Variants in ABCA2 observed in about 807,000 individuals in gnomAD.
ABCA2 encodes the protein ATP-binding cassette sub-family A member 2.
In ABCA2, 84 loss-of-function variants were observed where a neutral mutation model predicts 262.8. The ratio of observed to expected loss-of-function variants is 0.32; its 90% CI spans 0.27 to 0.38. The LOEUF (loss-of-function observed/expected upper bound fraction) is 0.38, where lower values mean the gene tolerates loss of function less well. ABCA2 is among the 10% of genes least tolerant of loss of function. The pLI is 1.00. For missense variants in ABCA2, 2,662 were observed against 3,405.9 expected (o/e 0.78, Z 5.44); for synonymous variants, 1,696 against 1,502.9 (o/e 1.13, Z -2.97).
chr9:137,021,292 A>C lies in ABCA2; in HGVS notation c.897+100T>G. The C allele has an allele frequency of 1.4e-6, 2 of 1,444,762 alleles. No homozygotes were observed. The highest frequency in any genetic ancestry group is 4.7e-5 in the East Asian group (2 of 42,506). The allele number at this position is 1,444,762 out of a possible 1,614,324, so 89.5% of individuals were successfully genotyped here. A position where few individuals can be genotyped will look rare whatever the true frequency, so the allele number is the denominator to read the frequency against. ...CACCCACAGGCAGCATCCCACGCAC[A>C]GCCTGGGCCCAGGAGCCCTGAGCTC... On this transcript the variant is annotated intron_variant, in intron 8 of 48. Coordinates refer to ENST00000341511, the MANE Select transcript of ABCA2 (RefSeq NM_001606.5). This position sits in a 1 kb window ranked among gnomAD's most constrained non-coding sequence, Gnocchi z 6.0.
Position 137,022,392 on chromosome 9 carries a change from T to C in ABCA2, c.526A>G (p.Thr176Ala). ...LTQNLSLPNSTAQALLAARVD... is the reference protein window; with the variant it reads ...LTQNLSLPNSAAQALLAARVD... ...CGGGCGGCCAAGAGTGCTTGGGCCGTGCTATTGGGCAGCGACAAGTTTTGC... is the reference window on the plus strand; with the variant it reads ...CGGGCGGCCAAGAGTGCTTGGGCCGCGCTATTGGGCAGCGACAAGTTTTGC... The change falls in exon 6 of 49, where the codon ACG (threonine) becomes GCG (alanine). Residue 176 changes from threonine (T) to alanine (A), a missense_variant. Physicochemically the swap from Thr to Ala is moderately conservative, Grantham distance 58. Transcript: ENST00000341511. 6.2e-7 allele frequency: 1 copy of C among 1,611,182 alleles called. No homozygotes were observed. Among genetic ancestry groups the C allele is most frequent in the South Asian group, 1.1e-5 (1 of 90,680 alleles).
rs554207458 is a variant in ABCA2, at chr9:137,012,178, C to T, written c.5300-16G>A. 9.3e-6 allele frequency: 15 copies of T among 1,610,614 alleles called. No individual in the cohort carries two copies. The highest frequency in any genetic ancestry group is 8.3e-5 in the Admixed American group (5 of 59,980). ...ACGGTGATGCCTGCACACGGCGGGGCGGGGGCGGCAGCTTCAGGCCCCAGC... is the reference window on the plus strand; with the variant it reads ...ACGGTGATGCCTGCACACGGCGGGGTGGGGGCGGCAGCTTCAGGCCCCAGC... On this transcript the variant is annotated splice_polypyrimidine_tract_variant and intron_variant, in intron 33 of 48. Coordinates refer to ENST00000341511, the MANE Select transcript of ABCA2 (RefSeq NM_001606.5).
Position 137,022,683 on chromosome 9 carries a change from T to C in ABCA2, c.439+19A>G. The C allele has an allele frequency of 6.3e-7, 1 of 1,599,998 alleles. No homozygotes were observed. The highest frequency in any genetic ancestry group is 8.5e-7 in the Non-Finnish European group (1 of 1,175,142). On this transcript the variant is annotated intron_variant, in intron 5 of 48. Transcript: ENST00000341511. ...TTTGCCCGCAGCCCTGCCCCCCAAC[T>C]TCCCTGCACAGGGCACACCTGTGGA...
chr9:137,013,781 C>A (rs557924788), intron 28 of ABCA2, 51 bp downstream of exon 28: 2 of 1,547,850 alleles, frequency 1.3e-6, no homozygotes, highest in Middle Eastern at 1.8e-4. Context: ...GGGCTCCCAG[C>A]GGGCGGTGGG....
chr9:137,016,959 A>C lies in ABCA2; in HGVS notation c.2719T>G (p.Tyr907Asp). 6.2e-7 allele frequency: 1 copy of C among 1,612,774 alleles called. No homozygotes were observed. The highest frequency in any genetic ancestry group is 8.5e-7 in the Non-Finnish European group (1 of 1,179,990). ...TCAATGTACCACGTGAGGATGCCATAGACCACGGCGTCCACCATCAGCATG... is the reference window on the plus strand; with the variant it reads ...TCAATGTACCACGTGAGGATGCCATCGACCACGGCGTCCACCATCAGCATG... ...VTMLMVDAVVYGILTWYIEAV... is the reference protein window; with the variant it reads ...VTMLMVDAVVDGILTWYIEAV... Residue 907 changes from tyrosine (Y) to aspartate (D), a missense_variant, in exon 19 of 49, where the codon TAT becomes GAT. Physicochemically the swap from Tyr to Asp is radical, Grantham distance 160 (BLOSUM62 -3). Coordinates refer to ENST00000341511, the MANE Select transcript of ABCA2 (RefSeq NM_001606.5).
At position 137,013,183 on chromosome 9, in the gene ABCA2, C is replaced by G; in HGVS notation, c.4686G>C (p.Gly1562=). Residue 1562 remains glycine (G), a synonymous_variant, in exon 30 of 49, where the codon GGG becomes GGC. Coordinates refer to ENST00000341511, the MANE Select transcript of ABCA2 (RefSeq NM_001606.5). Reference sequence around the variant, plus strand: ...ACCGAGCCGCCAGCAGGCGCGACTCCCCGCTGCTCAGGTTCAACGTGGGCC... The same window carrying G: ...ACCGAGCCGCCAGCAGGCGCGACTCGCCGCTGCTCAGGTTCAACGTGGGCC... ...SLGPTLNLSS[G]ESRLLAARFF... 1 of 1,601,734 alleles carries G rather than the reference C, an allele frequency of 6.2e-7. No homozygotes were observed. Among genetic ancestry groups the G allele is most frequent in the Admixed American group, 1.7e-5 (1 of 59,194 alleles).
rs142579624 is a variant in ABCA2 at position 137,011,564 on chromosome 9, G to C, written c.5652-10C>G. 3 of 1,570,784 alleles carry C rather than the reference G, an allele frequency of 1.9e-6. No homozygotes were observed. Among genetic ancestry groups the C allele is most frequent in the Non-Finnish European group, 1.7e-6 (2 of 1,158,280 alleles). On this transcript the variant is annotated splice_polypyrimidine_tract_variant and intron_variant, in intron 36 of 48. Coordinates refer to ENST00000341511, the MANE Select transcript of ABCA2 (RefSeq NM_001606.5). This position sits in a 1 kb window ranked among gnomAD's most constrained non-coding sequence, Gnocchi z 8.8. ...GGGCGTGATGGACCACCTGCGGGCA[G>C]GTGGCGGGCAGTGGTCACCAGGCAG... is the stretch of plus-strand genomic sequence containing the variant.
chr9:137,010,445 C>G (rs1041849711), intron 40 of ABCA2, 74 bp from the exon 41 acceptor site: 140 of 1,499,734 alleles, frequency 9.3e-5, no homozygotes, highest in South Asian at 5.2e-4. Context: ...CCACCCAGAC[C>G]CTGCCCCACC....
chr9:137,014,345 C>T lies in ABCA2; in HGVS notation c.4063G>A (p.Gly1355Ser), dbSNP rs368984155. The change falls in exon 27 of 49, where the codon GGT (glycine) becomes AGT (serine). Residue 1355 changes from glycine to serine, a missense_variant. Gly to Ser is a moderately conservative substitution (Grantham distance 56). Coordinates refer to ENST00000341511, the MANE Select transcript of ABCA2 (RefSeq NM_001606.5). The part of the protein sequence containing the change: ...PGAEGPASGE[G>S]HAGNLARCSE... ...CACCGGGCCAGATTGCCAGCGTGAC[C>T]CTCCCCAGACGCCGGGCCCTCCGCC... 5 of 1,604,836 alleles carry T rather than the reference C, an allele frequency of 3.1e-6. No individual in the cohort carries two copies. In the African/African-American group the frequency reaches 6.7e-5, roughly 21 times the overall value.
At position 137,015,452 on chromosome 9, in the gene ABCA2, G is replaced by GT; in HGVS notation, c.3658dup (p.Thr1220AsnfsTer114). 6.3e-7 allele frequency: 1 copy of GT among 1,582,430 alleles called. No homozygotes were observed. The highest frequency in any genetic ancestry group is 8.6e-7 in the Non-Finnish European group (1 of 1,166,832). ...CGGCTCGGCGGGCCGCTTGACCAGC[G>GT]TGAGGCGGTACCCGTCGCCATAGGT... is the stretch of plus-strand genomic sequence containing the variant. On this transcript the variant is annotated frameshift_variant, in exon 24 of 49. Transcript: ENST00000341511. LOFTEE classifies it high-confidence loss of function.
chr9:137,012,073 C>T lies in ABCA2; in HGVS notation c.5360+29G>A, dbSNP rs200301616. The T allele has an allele frequency of 9.7e-5, 156 of 1,612,538 alleles. No homozygotes were observed. The East Asian group carries it at 3.4e-3, about 35-fold the overall frequency. ...GCCGGGGCTGCAGTGCCCACCTGCCCCACCTCATCCCCCACTGGCCACACT... is the reference window on the plus strand; with the variant it reads ...GCCGGGGCTGCAGTGCCCACCTGCCTCACCTCATCCCCCACTGGCCACACT... On this transcript the variant is annotated intron_variant, in intron 34 of 48. Transcript: ENST00000341511.
Position 137,022,477 on chromosome 9 carries a change from CA to C in ABCA2, c.440del (p.Val147GlyfsTer20). 6.2e-7 allele frequency: 1 copy of C among 1,611,332 alleles called. No individual in the cohort carries two copies. Reference sequence around the variant, plus strand: ...CCACCGAGTCCAGAGAGAAGGAAGACACTGGACAGGCAGGAAGGCGAGGCTG... The same window carrying C: ...CCACCGAGTCCAGAGAGAAGGAAGACCTGGACAGGCAGGAAGGCGAGGCTG... ...TSGSHLDRST[V>X]SSFSLDSVAR... On this transcript the variant is annotated frameshift_variant and splice_region_variant, in exon 6 of 49. Transcript: ENST00000341511. LOFTEE classifies it high-confidence loss of function.
At chr9:137,024,636 A>G (rs1831589323) in intron 1 of ABCA2, among the ~76,000 whole-genome samples, 1 of 151,922 alleles carries the variant, frequency 6.6e-6, no homozygotes. Flanking sequence ...CACTTCCCAC[A>G]CTGCCCCGGG....
At chr9:137,024,448 G>A (rs556923377) in intron 1 of ABCA2, among the ~76,000 whole-genome samples, 4 of 152,324 alleles carry the variant, frequency 2.6e-5, no homozygotes, top group East Asian at 1.9e-4. Context: ...CAGGTTTCCC[G>A]TCCCCAGCCC....
chr9:137,018,139 C>G (rs761913442), intron 14 of ABCA2, 39 bp downstream of exon 14: 15 of 1,610,136 alleles, frequency 9.3e-6, no homozygotes, highest in Non-Finnish European at 1.2e-5. Context: ...TGTCCTCCCC[C>G]ATGAATCCTC....
In ABCA2 at chr9:137,013,234, G is replaced by T. The variant is rs1831131224; in HGVS notation, c.4635C>A (p.Leu1545=). 1 of 1,600,922 alleles carries T rather than the reference G, an allele frequency of 6.2e-7. No individual in the cohort carries two copies. Among genetic ancestry groups the T allele is most frequent in the Non-Finnish European group, 8.5e-7 (1 of 1,177,148 alleles). Residue 1545 remains leucine, a synonymous_variant, in exon 30 of 49, where the codon CTC becomes CTA. Transcript: ENST00000341511. ...LPSGVGATCV[L]KSPANGSLGP... ...CCAGCGAGCCGTTGGCGGGAGACTT[G>T]AGCACGCAGGTGGCACCCACCCCCG...
chr9:137,010,565 C>G (rs1325105025), intron 40 of ABCA2, 55 bp downstream of exon 40: 1 of 1,580,516 alleles, frequency 6.3e-7, no homozygotes, highest in Non-Finnish European at 8.7e-7. Flanking sequence ...GGGGCCCCAC[C>G]CCCCTGGCCC....
rs768174682 is a variant in ABCA2, at chr9:137,013,269, G to T, written c.4600C>A (p.Arg1534=). ...ASPQQLVSTF[R]LPSGVGATCV... ...GTGGCACCCACCCCCGACGGCAGCCGGAACGTGCTCACGAGCTGCTGGGGG... is the reference window on the plus strand; with the variant it reads ...GTGGCACCCACCCCCGACGGCAGCCTGAACGTGCTCACGAGCTGCTGGGGG... Residue 1534 remains arginine, a synonymous_variant, in exon 30 of 49, where the codon CGG becomes AGG. Transcript: ENST00000341511. 1.3e-6 allele frequency: 2 copies of T among 1,589,200 alleles called. No homozygotes were observed. The highest frequency in any genetic ancestry group is 1.7e-5 in the Admixed American group (1 of 59,000).
intron 28 of ABCA2, 133 bp from the exon 29 acceptor site, chr9:137,013,696 T>G: frequency 7.5e-7 from 1 of 1,335,514 alleles, no homozygotes; most frequent in Non-Finnish European, 1.0e-6. Flanking sequence ...GACTCCCGGA[T>G]GAACCCCGGT....
Sources: allele counts gnomAD v4.1 joint callset (sites outside exome capture counted in the v4.1 genomes callset), GRCh38; gene constraint gnomAD v4.1.1; non-coding constraint Gnocchi (gnomAD v3.1); transcripts MANE v1.5; gene names NCBI Gene and HGNC (gene_info 2026-07-23, HGNC 2026-07-21).